Variants in LRRN4 observed in about 807,000 individuals in gnomAD.
LRRN4 encodes the protein leucine-rich repeat neuronal protein 4.
In LRRN4, 26 loss-of-function variants were observed where a neutral mutation model predicts 22.3. The observed-to-expected ratio is 1.16, with a 90% CI of 0.85 to 1.62. The LOEUF is 1.62. LRRN4 is among the 40% of genes most tolerant of loss of function. The pLI is 0.00. For missense variants in LRRN4, 1,070 were observed against 1,008.5 expected (o/e 1.06, Z -0.83); for synonymous variants, 496 against 486.2 (o/e 1.02, Z -0.26).
At position 6,046,365 on chromosome 20, in the gene LRRN4, G is replaced by A. The variant is rs1052698010; in HGVS notation, c.861-1685C>T. On this transcript the variant is annotated intron_variant, in intron 3 of 4. Transcript: ENST00000378858. ...AGCTGCAGTCATGTTGCAAAGAGTT[G>A]TGCCTACAGGGATGGGGGGAATTAC... 9.4e-5 allele frequency among the ~76,000 whole-genome samples: 14 copies of A among 148,340 alleles called. 1 individual carries two copies. In the Admixed American group the frequency reaches 9.5e-4, roughly 10 times the overall value.
Position 6,050,813 on chromosome 20 carries a change from C to A in LRRN4, c.826G>T (p.Asp276Tyr), listed in dbSNP as rs1294030370. Reference protein sequence around the residue: ...LASVATHIFQDTPHLQVLLFQ... With the variant: ...LASVATHIFQYTPHLQVLLFQ... ...AGAAGGACCTGTAGATGTGGAGTAT[C>A]TTGAAAGATGTGTGTGGCGACAGAA... The change falls in exon 3 of 5, where the codon GAT becomes TAT. Residue 276 changes from aspartate (D) to tyrosine (Y), a missense_variant. Asp to Tyr is a radical substitution (Grantham distance 160, BLOSUM62 -3). Coordinates refer to ENST00000378858, the MANE Select transcript of LRRN4 (RefSeq NM_152611.5). The A allele has an allele frequency of 6.2e-7, 1 of 1,613,800 alleles. No homozygotes were observed. Among genetic ancestry groups the A allele is most frequent in the South Asian group, 1.1e-5 (1 of 91,052 alleles).
chr20:6,050,702 T>C, intron 3 of LRRN4, 77 bp downstream of exon 3: 1 of 1,379,060 alleles, frequency 7.3e-7, no homozygotes. Flanking sequence ...TAAGGTCTGG[T>C]TTGTTCTATA....
rs1295383543 is a variant in LRRN4 at position 6,044,699 on chromosome 20, A to T, written c.861-19T>A. On this transcript the variant is annotated intron_variant, in intron 3 of 4. Transcript: ENST00000378858. ...GTTGCAGCTGAAATACAAACAAAAAAATTAATTAAGTCAGGTTTTTACAAT... is the reference window on the plus strand; with the variant it reads ...GTTGCAGCTGAAATACAAACAAAAATATTAATTAAGTCAGGTTTTTACAAT... 1 of 1,499,096 alleles carries T rather than the reference A, an allele frequency of 6.7e-7. No individual in the cohort carries two copies. The highest frequency in any genetic ancestry group is 1.4e-5 in the African/African-American group (1 of 70,860). 92.9% of individuals were successfully genotyped at this position (1,499,096 alleles called of 1,614,324 possible). A position where few individuals can be genotyped will look rare whatever the true frequency, so the allele number is the denominator to read the frequency against.
Position 6,052,282 on chromosome 20 carries a change from T to C in LRRN4, c.518A>G (p.Gln173Arg). The change falls in exon 2 of 5, where the codon CAG (glutamine) becomes CGG (arginine). Residue 173 changes from glutamine (Q) to arginine (R), a missense_variant. By Grantham distance (43) the Gln-to-Arg change is conservative. Transcript: ENST00000378858. ...CGCGGTGCAGGAGAGGTTGAGGAGC[T>C]GCAGCGCGGGGAAGCAGGCGAAGGC... ...PRAFACFPAL[Q>R]LLNLSCTALG... 1 of 1,540,080 alleles carries C rather than the reference T, an allele frequency of 6.5e-7. No homozygotes were observed. The highest frequency in any genetic ancestry group is 2.5e-5 in the East Asian group (1 of 39,882).
rs775650978 is a variant in LRRN4, at chr20:6,042,032, T to A, written c.1213A>T (p.Ser405Cys). Residue 405 changes from serine (S) to cysteine (C), a missense_variant, in exon 5 of 5, where the codon AGT becomes TGT. Physicochemically the swap from Ser to Cys is moderately radical, Grantham distance 112. Coordinates refer to ENST00000378858, the MANE Select transcript of LRRN4 (RefSeq NM_152611.5). ...PATRPAGDQQ[S>C]VSKAPNVGSR... The stretch of plus-strand genomic sequence containing the variant: ...CCCACGTTAGGGGCCTTGGAGACAC[T>A]CTGCTGGTCTCCCGCAGGCCGGGTG... The A allele has an allele frequency of 1.2e-6, 2 of 1,613,872 alleles. No homozygotes were observed. Among genetic ancestry groups the A allele is most frequent in the South Asian group, 1.1e-5 (1 of 91,062 alleles).
Position 6,041,242 on chromosome 20 carries a change from C to T in LRRN4, c.2003G>A (p.Arg668Lys). 1 of 1,584,230 alleles carries T rather than the reference C, an allele frequency of 6.3e-7. No individual in the cohort carries two copies. Among genetic ancestry groups the T allele is most frequent in the Non-Finnish European group, 8.6e-7 (1 of 1,165,532 alleles). The stretch of plus-strand genomic sequence containing the variant: ...GGTGGTGAAGGCGGCGCACGGGCTC[C>T]TCCAGCCCGAAGACCGTGGCTGGCT... ...GLSQPRSSGW[R>K]SPCAAFTTKP... The change falls in exon 5 of 5, where the codon AGG becomes AAG. Residue 668 changes from arginine to lysine, a missense_variant. By Grantham distance (26) the Arg-to-Lys change is conservative (BLOSUM62 2). Coordinates refer to ENST00000378858, the MANE Select transcript of LRRN4 (RefSeq NM_152611.5). The surrounding 1 kb of genome is among the most constrained non-coding windows in gnomAD (Gnocchi z 9.4).
chr20:6,049,461 A>G (rs1244914964), intron 3 of LRRN4, among the ~76,000 whole-genome samples: 4 of 151,910 alleles, frequency 2.6e-5, no homozygotes, highest in Non-Finnish European at 5.9e-5. Flanking sequence ...CCATCACATC[A>G]CCATTGCCAC....
At position 6,040,943 on chromosome 20, in the gene LRRN4, G is replaced by C; in HGVS notation, c.*79C>G. 6.4e-7 allele frequency: 1 copy of C among 1,564,970 alleles called. No homozygotes were observed. The highest frequency in any genetic ancestry group is 8.7e-7 in the Non-Finnish European group (1 of 1,152,232). ...GGAATTAGAAACCCTAGGAGCGGATGGGGTCGTTTTTGACCGTCTGTGTCT... is the reference window on the plus strand; with the variant it reads ...GGAATTAGAAACCCTAGGAGCGGATCGGGTCGTTTTTGACCGTCTGTGTCT... On this transcript the variant is annotated 3_prime_UTR_variant, in exon 5 of 5. Transcript: ENST00000378858.
At chr20:6,043,188 C>G (rs539635911) in intron 4 of LRRN4, among the ~76,000 whole-genome samples, 1 of 152,212 alleles carries the variant, frequency 6.6e-6, no homozygotes, top group Admixed American at 6.5e-5. Context: ...GTAGGAGGAT[C>G]ACTTGAGGCC....
chr20:6,040,718 TAGAGAGG>T lies in LRRN4; in HGVS notation c.*297_*303del. 2.4e-6 allele frequency: 1 copy of T among 423,048 alleles called. No individual in the cohort carries two copies. The highest frequency in any genetic ancestry group is 2.5e-5 in the South Asian group (1 of 40,672). 26.2% of individuals were successfully genotyped at this position (423,048 alleles called of 1,614,324 possible). On this transcript the variant is annotated 3_prime_UTR_variant, in exon 5 of 5. Coordinates refer to ENST00000378858, the MANE Select transcript of LRRN4 (RefSeq NM_152611.5). ...TACGTCCATACACTATTCTACTGGA[TAGAGAGG>T]CACTGACTGCTGAAAACCGCAAATG... is the stretch of plus-strand genomic sequence containing the variant.
chr20:6,051,105 A>G (rs1460240662), intron 2 of LRRN4, 122 bp from the exon 3 acceptor site: 2 of 805,414 alleles, frequency 2.5e-6, no homozygotes, highest in Admixed American at 2.2e-5. Context: ...GAGCACGGGC[A>G]CAGTTAGCAG....
At chr20:6,045,974 C>T (rs1177782465) in intron 3 of LRRN4, among the ~76,000 whole-genome samples, 1 of 149,196 alleles carries the variant, frequency 6.7e-6, no homozygotes, top group Non-Finnish European at 1.5e-5. Flanking sequence ...CCAAGCAAAT[C>T]ACAAGGCCAA....
intron 1 of LRRN4, 112 bp from the exon 2 acceptor site, chr20:6,052,916 G>A: frequency 1.8e-6 from 2 of 1,131,422 alleles, no homozygotes; most frequent in Non-Finnish European, 2.4e-6. Flanking sequence ...ACAGGCGCTG[G>A]ATGTTCCCTG....
Position 6,052,715 on chromosome 20 carries a change from G to C in LRRN4, c.85C>G (p.Arg29Gly). ...DPPQEKVPLF[R>G]VTQQGPWGSS... is the part of the protein sequence containing the mutation. ...CCCCAGGGGCCCTGCTGAGTGACCC[G>C]GAAGAGCGGGACCTTCTCCTGGGGA... The change falls in exon 2 of 5, where the codon CGG becomes GGG. Residue 29 changes from arginine to glycine, a missense_variant. By Grantham distance (125) the Arg-to-Gly change is moderately radical. Transcript: ENST00000378858. 6.4e-7 allele frequency: 1 copy of C among 1,569,760 alleles called. No individual in the cohort carries two copies. The highest frequency in any genetic ancestry group is 1.7e-4 in the Middle Eastern group (1 of 6,032).
intron 1 of LRRN4, among the ~76,000 whole-genome samples, chr20:6,053,287 C>G (rs527920715): frequency 2.1e-4 from 32 of 152,280 alleles, no homozygotes; most frequent in Admixed American, 4.6e-4. Flanking sequence ...TCAGTTACCC[C>G]GCTTTTCCCC....
intron 4 of LRRN4, 128 bp downstream of exon 4, chr20:6,044,415 G>T (rs1487766319): frequency 1.5e-5 from 15 of 987,780 alleles, no homozygotes; most frequent in Non-Finnish European, 1.9e-5. Context: ...GACTACATGG[G>T]AAAGGCTGCC....
At chr20:6,053,713 C>T (rs1434054079) in intron 1 of LRRN4, 117 bp downstream of exon 1, 1 of 152,320 alleles carries the variant, frequency 6.6e-6, no homozygotes, top group East Asian at 1.9e-4. Flanking sequence ...ATCTCCGAGT[C>T]ACCACCCAGG....
chr20:6,048,872 G>A (rs1219206193), intron 3 of LRRN4, among the ~76,000 whole-genome samples: 1 of 152,184 alleles, frequency 6.6e-6, no homozygotes, highest in Non-Finnish European at 1.5e-5. Flanking sequence ...TGCATAGGGT[G>A]ACAAATGACC....
In LRRN4 at chr20:6,050,845, G is replaced by A. The variant is rs777237511; in HGVS notation, c.794C>T (p.Ala265Val). The change falls in exon 3 of 5, where the codon GCA becomes GTA. Residue 265 changes from alanine to valine, a missense_variant. Coordinates refer to ENST00000378858, the MANE Select transcript of LRRN4 (RefSeq NM_152611.5). The stretch of plus-strand genomic sequence containing the variant: ...GATGTGTGTGGCGACAGAAGCAAGT[G>A]CTGGGGAGTCCTGACAGTCCAGCTG... ...LQQLDCQDSP[A>V]LASVATHIFQ... 2 of 1,614,076 alleles carry A rather than the reference G, an allele frequency of 1.2e-6. No individual in the cohort carries two copies. Among genetic ancestry groups the A allele is most frequent in the Non-Finnish European group, 1.7e-6 (2 of 1,179,982 alleles).
Sources: gnomAD v4.1 joint callset for allele counts (sites outside exome capture counted in the v4.1 genomes callset) on GRCh38, gnomAD v4.1.1 for gene constraint, Gnocchi (gnomAD v3.1) non-coding constraint, MANE v1.5 for transcripts, NCBI Gene and HGNC (gene_info 2026-07-23, HGNC 2026-07-21) for gene names.